The following RHOH variants were observed in gnomAD, a reference collection of about 807,000 sequenced individuals.
RHOH encodes rho-related GTP-binding protein RhoH.
Under a neutral mutation model 13.8 loss-of-function variants are expected in RHOH, and 6 were observed. That is an observed-to-expected ratio of 0.44 (90% CI 0.24 to 0.86). The LOEUF (loss-of-function observed/expected upper bound fraction) is 0.86. Among genes scored for constraint, RHOH ranks in the 40% least tolerant of loss-of-function variants. RHOH has a pLI of 0.24. For synonymous variants in RHOH, 117 were observed against 103.0 expected (o/e 1.14, Z -0.82); for missense variants, 147 against 244.5 (o/e 0.60, Z 2.66).
intron 1 of RHOH, among the ~76,000 whole-genome samples, chr4:40,234,744 CTT>C (rs549802852): frequency 5.2e-3 from 522 of 101,050 alleles, no homozygotes; most frequent in African/African-American, 0.019. Flanking sequence ...AAATCAGCAT[CTT>C]TTTTTTTTTT....
intron 1 of RHOH, among the ~76,000 whole-genome samples, chr4:40,239,894 G>A (rs924726005): frequency 2.1e-4 from 32 of 149,328 alleles, no homozygotes; most frequent in African/African-American, 7.5e-4. Flanking sequence ...AAAAAAAAAA[G>A]AATTTTGCAC....
chr4:40,240,815 C>T (rs1194171954), intron 1 of RHOH, among the ~76,000 whole-genome samples: 2 of 151,134 alleles, frequency 1.3e-5, no homozygotes, highest in South Asian at 4.2e-4. Context: ...AATAAATGTC[C>T]GAAGCATGTA....
chr4:40,239,087 C>T (rs1728947285), intron 1 of RHOH, among the ~76,000 whole-genome samples: 1 of 152,214 alleles, frequency 6.6e-6, no homozygotes, highest in Non-Finnish European at 1.5e-5. Context: ...AAGGCTCCTC[C>T]CCTCCTCAAG....
At chr4:40,215,164 G>A (rs895018050) in intron 1 of RHOH, among the ~76,000 whole-genome samples, 1 of 152,164 alleles carries the variant, frequency 6.6e-6, no homozygotes, top group East Asian at 1.9e-4. Flanking sequence ...TGTCCAGCGA[G>A]GTTCCTCTTA....
At chr4:40,230,616 C>A (rs1279316859) in intron 1 of RHOH, among the ~76,000 whole-genome samples, 1 of 151,780 alleles carries the variant, frequency 6.6e-6, no homozygotes, top group Non-Finnish European at 1.5e-5. Flanking sequence ...CCCTTAGCCT[C>A]CCAAAGTGCT....
upstream of RHOH, among the ~76,000 whole-genome samples, chr4:40,192,776 G>T (rs898675286): frequency 9.9e-5 from 15 of 152,122 alleles, no homozygotes; most frequent in Non-Finnish European, 1.6e-4. Flanking sequence ...CAAGAAAATG[G>T]GCCTTGGGGC....
At chr4:40,196,942 C>T (rs914331348), upstream of RHOH, 22 of 149,080 alleles carry the variant, frequency 1.5e-4, no homozygotes, top group African/African-American at 5.5e-4. Flanking sequence ...GCACACACAC[C>T]CCCCTAAACC....
chr4:40,199,412 T>C (rs1410193236), intron 1 of RHOH, among the ~76,000 whole-genome samples: 1 of 152,174 alleles, frequency 6.6e-6, no homozygotes, highest in Non-Finnish European at 1.5e-5. Context: ...AATTAACGTT[T>C]TTTGAGCACC....
chr4:40,238,363 G>T (rs913388359), intron 1 of RHOH, among the ~76,000 whole-genome samples: 6 of 152,218 alleles, frequency 3.9e-5, no homozygotes, highest in African/African-American at 1.2e-4. Context: ...GAGAATTGGT[G>T]TCTGTTAGCA....
At chr4:40,240,803 TAAATA>T (rs1729150892) in intron 1 of RHOH, among the ~76,000 whole-genome samples, 1 of 151,706 alleles carries the variant, frequency 6.6e-6, no homozygotes, top group African/African-American at 2.4e-5. Context: ...AATAAATAAA[TAAATA>T]AATGTCCGAA....
chr4:40,201,848 G>A (rs1724030446), intron 1 of RHOH, among the ~76,000 whole-genome samples: 1 of 150,864 alleles, frequency 6.6e-6, no homozygotes, highest in African/African-American at 2.4e-5. Flanking sequence ...AAAGTAATAT[G>A]CATGAACATA....
At chr4:40,225,611 T>C (rs1727129370) in intron 1 of RHOH, among the ~76,000 whole-genome samples, 2 of 152,214 alleles carry the variant, frequency 1.3e-5, no homozygotes, top group Non-Finnish European at 2.9e-5. Flanking sequence ...ATGGTGGTCT[T>C]CTGCTCATCA....
intron 1 of RHOH, among the ~76,000 whole-genome samples, chr4:40,234,683 A>T (rs2109532983): frequency 6.6e-6 from 1 of 152,176 alleles, no homozygotes; most frequent in Non-Finnish European, 1.5e-5. Context: ...GCTTAGGAAC[A>T]TAAATACTGC....
rs1372621196 is a variant in RHOH, at chr4:40,244,543, AC to A, written c.*583del. 6 of 206,834 alleles carry A rather than the reference AC, an allele frequency of 2.9e-5. No homozygotes were observed. Among genetic ancestry groups the A allele is most frequent in the African/African-American group, 1.4e-4 (6 of 43,156 alleles). 12.8% of individuals were successfully genotyped at this position (206,834 alleles called of 1,614,324 possible). ...AATCTTTGCAATTTGTTTTCTACTT[AC>A]CTGTTATTCACAGTTGGATATAAAA... On this transcript the variant is annotated 3_prime_UTR_variant, in exon 3 of 3. Transcript: ENST00000381799.
At chr4:40,239,786 G>A (rs1176130181) in intron 1 of RHOH, among the ~76,000 whole-genome samples, 1 of 152,076 alleles carries the variant, frequency 6.6e-6, no homozygotes, top group Non-Finnish European at 1.5e-5. Context: ...GTTGAGGCAG[G>A]AGAATCACTT....
chr4:40,215,828 G>A (rs2109424822), intron 1 of RHOH, among the ~76,000 whole-genome samples: 1 of 152,332 alleles, frequency 6.6e-6, no homozygotes, highest in East Asian at 1.9e-4. Flanking sequence ...ACTGAGGCAT[G>A]AGAATCGCTT....
At chr4:40,203,058 G>A (rs1444352084) in intron 1 of RHOH, among the ~76,000 whole-genome samples, 3 of 152,146 alleles carry the variant, frequency 2.0e-5, no homozygotes, top group Admixed American at 6.5e-5. Flanking sequence ...TGCAAGCTCC[G>A]CTTCCCGGGT....
In RHOH at chr4:40,201,116, T is replaced by TC. The variant is rs1431333622; in HGVS notation, c.-331+3817dup. ...CTGAGAACTACGTATAGTCATCCAT[T>TC]CAGTGCCTCGTTAAGTAAATAAATG... On this transcript the variant is annotated intron_variant, in intron 1 of 2. Transcript: ENST00000381799. 2.6e-5 allele frequency among the ~76,000 whole-genome samples: 4 copies of TC among 152,288 alleles called. No homozygotes were observed. The East Asian group carries it at 7.7e-4, about 29-fold the overall frequency.
rs1024110426 is a variant in RHOH at position 40,218,798 on chromosome 4, G to A, written c.-331+21498G>A. On this transcript the variant is annotated intron_variant, in intron 1 of 2. Transcript: ENST00000381799. This position sits in a 1 kb window ranked among gnomAD's most constrained non-coding sequence, Gnocchi z 4.1. ...AACAGGTTTGGAGTGGCTAAATGGCGTAAGCAAGGTCGTGTCACTAGGAGT... is the reference window on the plus strand; with the variant it reads ...AACAGGTTTGGAGTGGCTAAATGGCATAAGCAAGGTCGTGTCACTAGGAGT... 3.9e-5 allele frequency among the ~76,000 whole-genome samples: 6 copies of A among 152,204 alleles called. No individual in the cohort carries two copies. The highest frequency in any genetic ancestry group is 1.2e-4 in the African/African-American group (5 of 41,454).
Sources: allele counts gnomAD v4.1 joint callset (sites outside exome capture counted in the v4.1 genomes callset), GRCh38; gene constraint gnomAD v4.1.1; non-coding constraint Gnocchi (gnomAD v3.1); transcripts MANE v1.5; gene names NCBI Gene and HGNC (gene_info 2026-07-23, HGNC 2026-07-21).